MDFIC: variants seen among roughly 807,000 people sequenced by gnomAD.
MDFIC encodes MyoD family inhibitor domain containing.
A neutral mutation model predicts 23.2 loss-of-function variants in MDFIC; 17 were observed. That is an observed-to-expected ratio of 0.73 (90% CI 0.50 to 1.10). MDFIC has a LOEUF of 1.10. Ranked by LOEUF, MDFIC falls within the 50% of genes least tolerant of loss-of-function variation. MDFIC has a pLI of 0.00. For synonymous variants in MDFIC, 120 were observed against 115.2 expected (o/e 1.04, Z -0.27); for missense variants, 356 against 316.6 (o/e 1.12, Z -0.95).
At chr7:114,934,788 T>C (rs927353075) in intron 2 of MDFIC, among the ~76,000 whole-genome samples, 1 of 152,234 alleles carries the variant, frequency 6.6e-6, no homozygotes, top group African/African-American at 2.4e-5. Flanking sequence ...TATGCATATG[T>C]TCACTCATCT....
intron 3 of MDFIC, among the ~76,000 whole-genome samples, chr7:114,960,113 T>G (rs1792958009): frequency 6.6e-6 from 1 of 152,156 alleles, no homozygotes; most frequent in African/African-American, 2.4e-5. Flanking sequence ...AGCTTAAACT[T>G]TTGCATCTTT....
chr7:114,980,556 T>G (rs780893859), intron 4 of MDFIC, among the ~76,000 whole-genome samples: 6 of 152,126 alleles, frequency 3.9e-5, no homozygotes, highest in Non-Finnish European at 8.8e-5. Context: ...ACATGATTCA[T>G]TGTATTATAT....
intron 3 of MDFIC, among the ~76,000 whole-genome samples, chr7:114,957,198 T>TA (rs1161444873): frequency 6.6e-6 from 1 of 152,208 alleles, no homozygotes; most frequent in Non-Finnish European, 1.5e-5. Flanking sequence ...GGATTCTTGA[T>TA]ATATTACATC....
intron 4 of MDFIC, among the ~76,000 whole-genome samples, chr7:114,992,610 G>A (rs919273897): frequency 6.6e-6 from 1 of 152,152 alleles, no homozygotes; most frequent in Non-Finnish European, 1.5e-5. Flanking sequence ...AGATAATCAT[G>A]TGGTTTTTGT....
At chr7:114,967,722 A>G (rs550703552) in intron 3 of MDFIC, among the ~76,000 whole-genome samples, 6 of 152,118 alleles carry the variant, frequency 3.9e-5, no homozygotes, top group African/African-American at 7.2e-5. Flanking sequence ...TTTGCAGCCA[A>G]TGTTACCTTG....
chr7:115,006,087 C>G (rs907919794), intron 4 of MDFIC, among the ~76,000 whole-genome samples: 1 of 152,096 alleles, frequency 6.6e-6, no homozygotes, highest in East Asian at 1.9e-4. Flanking sequence ...TCTTCTCAGG[C>G]GAGGCTCCTC....
At chr7:114,970,223 G>A (rs1224322777) in intron 3 of MDFIC, among the ~76,000 whole-genome samples, 1 of 152,138 alleles carries the variant, frequency 6.6e-6, no homozygotes, top group African/African-American at 2.4e-5. Context: ...TCTGAGAAGG[G>A]GTTCAGGGAG....
rs1252486554 is a variant in MDFIC at position 115,019,236 on chromosome 7, A to G, written c.*3301A>G. 6.6e-6 allele frequency: 1 copy of G among 152,068 alleles called. No individual in the cohort carries two copies. Among genetic ancestry groups the G allele is most frequent in the African/African-American group, 2.4e-5 (1 of 41,440 alleles). The allele number at this position is 152,068 out of a possible 1,614,324, so 9.4% of individuals were successfully genotyped here. A position where few individuals can be genotyped will look rare whatever the true frequency, so the allele number is the denominator to read the frequency against. On this transcript the variant is annotated 3_prime_UTR_variant, in exon 5 of 5. Transcript: ENST00000393486. ...AGGCATAGAGTGGCGAAATTTTTGTAAATGCTCGCAGTTAGCATCTAACTA... is the reference window on the plus strand; with the variant it reads ...AGGCATAGAGTGGCGAAATTTTTGTGAATGCTCGCAGTTAGCATCTAACTA...
At chr7:114,923,476 A>G (rs1351626033) in intron 2 of MDFIC, 3 of 1,537,788 alleles carry the variant, frequency 2.0e-6, no homozygotes, top group Admixed American at 2.0e-5. Flanking sequence ...CAGCAGATCC[A>G]GGACTGCCGC....
chr7:114,938,147 G>A (rs1332316805), intron 2 of MDFIC, among the ~76,000 whole-genome samples: 1 of 151,812 alleles, frequency 6.6e-6, no homozygotes, highest in Non-Finnish European at 1.5e-5. Flanking sequence ...CTAGAGATGG[G>A]GTTTTACCAT....
At chr7:115,008,054 C>T (rs890980925) in intron 4 of MDFIC, among the ~76,000 whole-genome samples, 3 of 151,882 alleles carry the variant, frequency 2.0e-5, no homozygotes, top group Admixed American at 1.3e-4. Context: ...TTGACCAGTG[C>T]TAGAGTTAAG....
At chr7:114,936,392 A>G (rs915794282) in intron 2 of MDFIC, among the ~76,000 whole-genome samples, 1 of 152,194 alleles carries the variant, frequency 6.6e-6, no homozygotes, top group South Asian at 2.1e-4. Context: ...TGTTAAAAGC[A>G]TTCAGTTATG....
At chr7:114,981,477 CT>C (rs1464903655) in intron 4 of MDFIC, among the ~76,000 whole-genome samples, 1 of 152,008 alleles carries the variant, frequency 6.6e-6, no homozygotes, top group African/African-American at 2.4e-5. Context: ...CTCCTTTATT[CT>C]CCCCCTTCCC....
In MDFIC at chr7:115,015,769, G is replaced by A. The variant is rs541177718; in HGVS notation, c.575G>A (p.Cys192Tyr). 1.4e-5 allele frequency: 22 copies of A among 1,614,204 alleles called. No individual in the cohort carries two copies. In the Admixed American group the frequency reaches 2.8e-4, roughly 21 times the overall value. The part of the protein sequence containing the change: ...LCNIVLGQAS[C>Y]GICTSEACCC... Reference sequence around the variant, plus strand: ...AACATTGTCCTGGGACAAGCGTCATGTGGCATCTGCACCTCAGAAGCCTGC... The same window carrying A: ...AACATTGTCCTGGGACAAGCGTCATATGGCATCTGCACCTCAGAAGCCTGC... The change falls in exon 5 of 5, where the codon TGT becomes TAT. Residue 192 changes from cysteine to tyrosine, a missense_variant. Cys to Tyr is a radical substitution (Grantham distance 194, BLOSUM62 -2). Transcript: ENST00000393486.
chr7:114,973,486 C>T (rs1432017770), intron 3 of MDFIC, among the ~76,000 whole-genome samples: 3 of 152,030 alleles, frequency 2.0e-5, no homozygotes, highest in African/African-American at 7.2e-5. Flanking sequence ...TTAGAGAGAA[C>T]GTAGATACAT....
chr7:114,952,591 A>G (rs1372936837), intron 3 of MDFIC, among the ~76,000 whole-genome samples: 2 of 152,150 alleles, frequency 1.3e-5, no homozygotes, highest in Non-Finnish European at 2.9e-5. Flanking sequence ...AAATTACATT[A>G]AAGTGAACCA....
At chr7:114,936,624 T>C (rs1354188281) in intron 2 of MDFIC, among the ~76,000 whole-genome samples, 1 of 152,146 alleles carries the variant, frequency 6.6e-6, no homozygotes. Context: ...CCTTGTGAAG[T>C]AGCAATCCTT....
intron 2 of MDFIC, among the ~76,000 whole-genome samples, chr7:114,937,979 G>A (rs1056486197): frequency 6.6e-6 from 1 of 151,860 alleles, no homozygotes; most frequent in African/African-American, 2.4e-5. Flanking sequence ...TTTTTAAATG[G>A]GATTTCGCTC....
chr7:114,973,187 A>G (rs1793242621), intron 3 of MDFIC, among the ~76,000 whole-genome samples: 4 of 151,840 alleles, frequency 2.6e-5, no homozygotes. Flanking sequence ...GATAGAAGCT[A>G]TTAATGTTTT....
Sources: gnomAD v4.1 joint callset for allele counts (sites outside exome capture counted in the v4.1 genomes callset) on GRCh38, gnomAD v4.1.1 for gene constraint, MANE v1.5 for transcripts, NCBI Gene and HGNC (gene_info 2026-07-23, HGNC 2026-07-21) for gene names.